CDH6: variants seen among roughly 807,000 people sequenced by gnomAD.
CDH6 encodes cadherin-6.
A neutral mutation model predicts 78.0 loss-of-function variants in CDH6; 31 were observed. The ratio of observed to expected loss-of-function variants is 0.40; its 90% CI spans 0.30 to 0.54. CDH6 has a LOEUF of 0.54. CDH6 is among the 20% of genes least tolerant of loss of function. The probability of loss-of-function intolerance (pLI) is 0.56; values close to 1 mark genes in which losing one functional copy is unlikely to be tolerated. For missense variants in CDH6, 724 were observed against 975.9 expected, an observed-to-expected ratio of 0.74 and a Z score of 3.44; for synonymous variants, 376 against 368.8, an observed-to-expected ratio of 1.02 and a Z score of -0.23.
chr5:31,310,124 T>C (rs890437932), intron 7 of CDH6, among the ~76,000 whole-genome samples: 1 of 152,140 alleles, frequency 6.6e-6, no homozygotes. Flanking sequence ...ATCCTTTCAG[T>C]CTATGAGCCT....
rs1024779985 is a variant in CDH6 at position 31,293,966 on chromosome 5, A to G, written c.233A>G (p.His78Arg). 1.3e-6 allele frequency: 2 copies of G among 1,584,450 alleles called. No homozygotes were observed. Among genetic ancestry groups the G allele is most frequent in the African/African-American group, 2.7e-5 (2 of 72,728 alleles). ...GSDYQYVGKL[H>R]SDQDRGDGSL... ...AATTTTTTTTTTCTACACTAGTTAC[A>G]TTCAGACCAGGATAGAGGAGATGGA... is the stretch of plus-strand genomic sequence containing the variant. The change falls in exon 3 of 12, where the codon CAT becomes CGT. Residue 78 changes from histidine to arginine, a missense_variant. Coordinates refer to ENST00000265071, the MANE Select transcript of CDH6 (RefSeq NM_004932.4).
chr5:31,233,963 C>G (rs1456096226), intron 1 of CDH6, among the ~76,000 whole-genome samples: 1 of 152,182 alleles, frequency 6.6e-6, no homozygotes, highest in Non-Finnish European at 1.5e-5. Context: ...AAAGATAATT[C>G]TCAGTGAATG....
At chr5:31,266,922 T>C (rs956366858) in intron 1 of CDH6, among the ~76,000 whole-genome samples, 8 of 152,200 alleles carry the variant, frequency 5.3e-5, no homozygotes, top group Non-Finnish European at 1.0e-4. Context: ...TTCAACATTA[T>C]CCACTTTCAA....
In CDH6 at chr5:31,323,065, C is replaced by T. The variant is rs750286748; in HGVS notation, c.2130C>T (p.Thr710=). ...GGACTCCAACAGCTCGCGACAACAC[C>T]GATGTCAGAGATTTCATTAACCAAA... ...PRRTPTARDN[T]DVRDFINQRL... is the part of the protein sequence containing the mutation. Residue 710 remains threonine (T), a synonymous_variant, in exon 12 of 12, where the codon ACC becomes ACT. Coordinates refer to ENST00000265071, the MANE Select transcript of CDH6 (RefSeq NM_004932.4). 1.9e-5 allele frequency: 31 copies of T among 1,614,146 alleles called. No homozygotes were observed. Among genetic ancestry groups the T allele is most frequent in the Non-Finnish European group, 2.5e-5 (30 of 1,180,036 alleles).
Position 31,305,067 on chromosome 5 carries a change from A to G in CDH6, c.1000-107A>G, listed in dbSNP as rs1000831165. The stretch of plus-strand genomic sequence containing the variant: ...CAAATGTGTTTCTCTAAGCAATATG[A>G]TCGCATTCATTTATCAGTGGTTTAC... On this transcript the variant is annotated intron_variant, in intron 6 of 11. Coordinates refer to ENST00000265071, the MANE Select transcript of CDH6 (RefSeq NM_004932.4). 4 of 1,083,496 alleles carry G rather than the reference A, an allele frequency of 3.7e-6. No individual in the cohort carries two copies. In the African/African-American group the frequency reaches 4.7e-5, roughly 13 times the overall value. The allele number at this position is 1,083,496 out of a possible 1,614,324, so 67.1% of individuals were successfully genotyped here.
intron 7 of CDH6, among the ~76,000 whole-genome samples, chr5:31,310,390 G>A (rs1024159450): frequency 1.5e-4 from 23 of 152,168 alleles, no homozygotes; most frequent in African/African-American, 5.3e-4. Context: ...TACAGCCCCC[G>A]AGGCTGCTTT....
intron 1 of CDH6, among the ~76,000 whole-genome samples, chr5:31,230,733 CCAT>C (rs1200000627): frequency 3.9e-5 from 6 of 152,034 alleles, no homozygotes; most frequent in African/African-American, 1.4e-4. Flanking sequence ...AACAACAAAT[CCAT>C]TGAGTTTAAT....
At chr5:31,235,611 C>A (rs1195925339) in intron 1 of CDH6, among the ~76,000 whole-genome samples, 1 of 152,154 alleles carries the variant, frequency 6.6e-6, no homozygotes, top group Non-Finnish European at 1.5e-5. Flanking sequence ...TACACAAACC[C>A]TTTACTTTAG....
At chr5:31,291,578 T>G (rs1353635004) in intron 2 of CDH6, among the ~76,000 whole-genome samples, 1 of 151,868 alleles carries the variant, frequency 6.6e-6, no homozygotes, top group Non-Finnish European at 1.5e-5. Context: ...TGAAAAAGAA[T>G]GAACATGGCT....
chr5:31,299,434 C>G, intron 4 of CDH6, 30 bp from the exon 5 acceptor site: 1 of 1,572,816 alleles, frequency 6.4e-7, no homozygotes, highest in Middle Eastern at 1.7e-4. Context: ...TTAATGCATC[C>G]CTTTGCACTC....
chr5:31,301,772 C>T (rs959051344), intron 5 of CDH6, among the ~76,000 whole-genome samples: 26 of 152,352 alleles, frequency 1.7e-4, no homozygotes, highest in African/African-American at 6.3e-4. Context: ...CTTCTCTACT[C>T]TTTCTGTTAG....
intron 2 of CDH6, among the ~76,000 whole-genome samples, chr5:31,283,802 T>C (rs1742931937): frequency 1.3e-5 from 2 of 149,512 alleles, no homozygotes; most frequent in African/African-American, 4.9e-5. Context: ...AAAATAGATT[T>C]TCTAGATTCT....
At chr5:31,196,738 A>C (rs989243020) in intron 1 of CDH6, among the ~76,000 whole-genome samples, 7 of 152,130 alleles carry the variant, frequency 4.6e-5, no homozygotes, top group Non-Finnish European at 8.8e-5. Context: ...GGACTTACAA[A>C]TATTTTTATG....
intron 2 of CDH6, among the ~76,000 whole-genome samples, chr5:31,269,265 T>TAAA (rs58366711): frequency 3.6e-5 from 5 of 138,488 alleles, no homozygotes; most frequent in Non-Finnish European, 6.1e-5. Context: ...CACATATTCT[T>TAAA]AAAAAAAAAA....
intron 1 of CDH6, among the ~76,000 whole-genome samples, chr5:31,260,018 T>C (rs1742170755): frequency 6.6e-6 from 1 of 152,214 alleles, no homozygotes; most frequent in African/African-American, 2.4e-5. Context: ...ATTGATTCCT[T>C]GAAGAGTAGC....
chr5:31,275,055 G>A (rs993815765), intron 2 of CDH6, among the ~76,000 whole-genome samples: 2 of 152,164 alleles, frequency 1.3e-5, no homozygotes, highest in Admixed American at 1.3e-4. Flanking sequence ...CGTAGTATTA[G>A]TAAACCACGT....
chr5:31,301,399 T>C (rs894942414), intron 5 of CDH6, among the ~76,000 whole-genome samples: 3 of 152,220 alleles, frequency 2.0e-5, no homozygotes, highest in Admixed American at 6.5e-5. Context: ...CTGAAACTCA[T>C]ATGTAGTCTC....
intron 1 of CDH6, among the ~76,000 whole-genome samples, chr5:31,225,610 G>A (rs1272941653): frequency 6.6e-6 from 1 of 151,998 alleles, no homozygotes; most frequent in African/African-American, 2.4e-5. Context: ...GAAGGGGGAG[G>A]TGCTACACAC....
intron 3 of CDH6, among the ~76,000 whole-genome samples, chr5:31,296,661 C>T (rs1277429484): frequency 1.3e-5 from 2 of 152,064 alleles, no homozygotes; most frequent in Admixed American, 1.3e-4. Context: ...AAATCCAACT[C>T]GAACTAGTTT....
Sources: gnomAD v4.1 joint callset for allele counts (sites outside exome capture counted in the v4.1 genomes callset) on GRCh38, gnomAD v4.1.1 for gene constraint, MANE v1.5 for transcripts, NCBI Gene and HGNC (gene_info 2026-07-23, HGNC 2026-07-21) for gene names.